The following ARHGAP31 variants were observed in gnomAD, a reference collection of about 807,000 sequenced individuals.
ARHGAP31 encodes Rho GTPase activating protein 31.
ARHGAP31 carries 34 observed loss-of-function variants against 113.9 expected under a neutral mutation model. The observed-to-expected ratio is 0.30, with a 90% CI of 0.23 to 0.40. ARHGAP31 has a LOEUF of 0.40. ARHGAP31 is among the 10% of genes least tolerant of loss of function. The pLI is 1.00. For missense variants in ARHGAP31, 1,548 were observed against 1,767.1 expected (o/e 0.88, Z 2.22); for synonymous variants, 650 against 684.8 (o/e 0.95, Z 0.79).
At position 119,325,377 on chromosome 3, in the gene ARHGAP31, C is replaced by T. The variant is rs573614872; in HGVS notation, c.100+30373C>T. On this transcript the variant is annotated intron_variant, in intron 1 of 11. Transcript: ENST00000264245. ...ATCATCTCTGTTGATCTTCCCAAGA[C>T]GCTGTGACTCTACAGGCTGATTTCA... Among the ~76,000 whole-genome samples, 27 of 152,318 alleles carry T rather than the reference C, an allele frequency of 1.8e-4. 1 individual carries two copies. Among genetic ancestry groups the T allele is most frequent in the Non-Finnish European group, 2.2e-4 (15 of 68,034 alleles).
intron 6 of ARHGAP31, among the ~76,000 whole-genome samples, chr3:119,385,043 A>G (rs1166921003): frequency 4.0e-5 from 6 of 151,274 alleles, no homozygotes; most frequent in African/African-American, 1.5e-4. Context: ...TCCTGCCTCA[A>G]CCTCCTGAGT....
intron 4 of ARHGAP31, among the ~76,000 whole-genome samples, chr3:119,381,212 A>G (rs1577020716): frequency 6.6e-6 from 1 of 151,838 alleles, no homozygotes; most frequent in African/African-American, 2.4e-5. Context: ...CCTGCAGAAC[A>G]CCCCTCAGAA....
intron 6 of ARHGAP31, among the ~76,000 whole-genome samples, chr3:119,386,324 A>T (rs1348098826): frequency 1.3e-5 from 2 of 152,144 alleles, no homozygotes; most frequent in African/African-American, 4.8e-5. Flanking sequence ...TCACTTCTGG[A>T]GGCTGGGAAT....
intron 1 of ARHGAP31, among the ~76,000 whole-genome samples, chr3:119,304,148 A>G (rs116029992): frequency 1.3e-5 from 2 of 152,278 alleles, no homozygotes; most frequent in African/African-American, 4.8e-5. Flanking sequence ...ATTCAATGCA[A>G]TAAGTATGTA....
chr3:119,338,828 C>A (rs779783174), intron 1 of ARHGAP31, among the ~76,000 whole-genome samples: 6 of 152,112 alleles, frequency 3.9e-5, no homozygotes, highest in Non-Finnish European at 8.8e-5. Context: ...ATCACCTGTT[C>A]CAGATGTCAG....
intron 1 of ARHGAP31, among the ~76,000 whole-genome samples, chr3:119,310,168 T>C (rs534722637): frequency 2.0e-5 from 3 of 152,066 alleles, no homozygotes; most frequent in Non-Finnish European, 2.9e-5. Flanking sequence ...TAGAGAACAA[T>C]AGATCACATT....
intron 1 of ARHGAP31, among the ~76,000 whole-genome samples, chr3:119,356,038 A>G (rs1290851676): frequency 6.6e-6 from 1 of 152,250 alleles, no homozygotes; most frequent in Non-Finnish European, 1.5e-5. Flanking sequence ...AGAAACAAGC[A>G]ACACCTCACA....
chr3:119,328,867 A>G (rs2079868306), intron 1 of ARHGAP31, among the ~76,000 whole-genome samples: 2 of 152,046 alleles, frequency 1.3e-5, no homozygotes, highest in African/African-American at 4.8e-5. Context: ...GTCTCTCTGT[A>G]CTTCTGTGTT....
rs2080762308 is a variant in ARHGAP31 at position 119,415,142 on chromosome 3, T to C, written c.3213T>C (p.Ser1071=). Residue 1071 remains serine (S), a synonymous_variant, in exon 12 of 12, where the codon AGT becomes AGC. Coordinates refer to ENST00000264245, the MANE Select transcript of ARHGAP31 (RefSeq NM_020754.4). ...CTGGGCCAGAGAGCAGCAAGGAGAG[T>C]TCACCCAGCGTGCAGGACAGCACTT... ...GVPGPESSKE[S]SPSVQDSTSP... is the part of the protein sequence containing the mutation. The C allele has an allele frequency of 6.2e-7, 1 of 1,613,698 alleles. No individual in the cohort carries two copies. Among genetic ancestry groups the C allele is most frequent in the South Asian group, 1.1e-5 (1 of 91,060 alleles).
intron 1 of ARHGAP31, among the ~76,000 whole-genome samples, chr3:119,326,712 T>C (rs2079847128): frequency 6.6e-6 from 1 of 152,200 alleles, no homozygotes. Flanking sequence ...TTTAGTGCGT[T>C]TTGCCACACA....
intron 1 of ARHGAP31, among the ~76,000 whole-genome samples, chr3:119,297,910 A>G (rs946509271): frequency 1.1e-3 from 24 of 20,952 alleles, no homozygotes; most frequent in Admixed American, 1.5e-3. Context: ...TTCCTTAGAA[A>G]CACACACACA....
At chr3:119,321,367 A>G (rs1243364075) in intron 1 of ARHGAP31, among the ~76,000 whole-genome samples, 1 of 146,098 alleles carries the variant, frequency 6.8e-6, no homozygotes, top group East Asian at 2.0e-4. Context: ...ATGTTTTCAT[A>G]CTTTTTAATA....
At chr3:119,330,861 G>A (rs2079885726) in intron 1 of ARHGAP31, among the ~76,000 whole-genome samples, 1 of 152,168 alleles carries the variant, frequency 6.6e-6, no homozygotes, top group Non-Finnish European at 1.5e-5. Context: ...GACCTGTTTT[G>A]TATATGTGCG....
At chr3:119,367,224 G>A (rs772669824) in intron 2 of ARHGAP31, among the ~76,000 whole-genome samples, 42 of 152,298 alleles carry the variant, frequency 2.8e-4, no homozygotes, top group Middle Eastern at 3.4e-3. Flanking sequence ...AGAATGGGCA[G>A]CGAGCTGTTT....
intron 2 of ARHGAP31, among the ~76,000 whole-genome samples, chr3:119,367,330 G>T (rs2080259437): frequency 6.6e-6 from 1 of 152,010 alleles, no homozygotes; most frequent in Non-Finnish European, 1.5e-5. Context: ...CTATATTAAA[G>T]CTCCAATTTA....
At chr3:119,307,986 C>G (rs1576986465) in intron 1 of ARHGAP31, among the ~76,000 whole-genome samples, 1 of 119,352 alleles carries the variant, frequency 8.4e-6, no homozygotes, top group Admixed American at 1.0e-4. Context: ...GTAGGAACAG[C>G]AGCAGAGTAT....
intron 3 of ARHGAP31, among the ~76,000 whole-genome samples, chr3:119,368,982 A>G (rs1390587369): frequency 6.6e-6 from 1 of 152,164 alleles, no homozygotes; most frequent in African/African-American, 2.4e-5. Context: ...ACAAATGTCA[A>G]GAGGTGTCAG....
chr3:119,399,322 G>A, intron 9 of ARHGAP31, 61 bp downstream of exon 9: 1 of 1,390,144 alleles, frequency 7.2e-7, no homozygotes, highest in Non-Finnish European at 1.0e-6. Context: ...GAGCTCACTT[G>A]CCTTTATAAG....
At chr3:119,321,913 A>G (rs989557909) in intron 1 of ARHGAP31, among the ~76,000 whole-genome samples, 5 of 152,218 alleles carry the variant, frequency 3.3e-5, no homozygotes, top group African/African-American at 1.2e-4. Flanking sequence ...TCAGCCTCCC[A>G]AAGTGCTGGG....
Sources: allele counts gnomAD v4.1 joint callset (sites outside exome capture counted in the v4.1 genomes callset), GRCh38; gene constraint gnomAD v4.1.1; transcripts MANE v1.5; gene names NCBI Gene and HGNC (gene_info 2026-07-23, HGNC 2026-07-21).